LIMS1: variants seen among roughly 807,000 people sequenced by gnomAD.
LIMS1 encodes the protein LIM and senescent cell antigen-like-containing domain protein 1.
LIMS1 carries 18 observed loss-of-function variants against 44.1 expected under a neutral mutation model. The observed-to-expected ratio is 0.41, with a 90% confidence interval of 0.28 to 0.61. The LOEUF (loss-of-function observed/expected upper bound fraction) is 0.61. Among genes scored for constraint, LIMS1 ranks in the 20% least tolerant of loss-of-function variants. The pLI, the probability that LIMS1 is intolerant of heterozygous loss-of-function variation, is 0.32. For synonymous variants in LIMS1, 93 were observed against 149.1 expected (o/e 0.62, Z 2.74); for missense variants, 201 against 422.0 (o/e 0.48, Z 4.59).
chr2:108,534,422 C>G (rs1035736803), exon 1 of LIMS1: 14 of 512,846 alleles, frequency 2.7e-5, no homozygotes, highest in African/African-American at 2.7e-4. Context: ...CCCGCGCCCC[C>G]GCGCGGCCGG....
intron 1 of LIMS1, among the ~76,000 whole-genome samples, chr2:108,617,299 G>C (rs1176956695): frequency 6.6e-6 from 1 of 152,216 alleles, no homozygotes; most frequent in Non-Finnish European, 1.5e-5. Flanking sequence ...ACTATGACAA[G>C]TTTAGGCAAA....
chr2:108,620,553 A>G (rs1039206070), intron 1 of LIMS1, among the ~76,000 whole-genome samples: 2 of 152,132 alleles, frequency 1.3e-5, no homozygotes, highest in African/African-American at 4.8e-5. Flanking sequence ...CCTTCCTAAC[A>G]TTGTCACTTT....
At chr2:108,635,049 G>A (rs1413224016) in intron 1 of LIMS1, among the ~76,000 whole-genome samples, 1 of 152,170 alleles carries the variant, frequency 6.6e-6, no homozygotes, top group East Asian at 1.9e-4. Context: ...CATGAGGATG[G>A]GGGTCTACAC....
chr2:108,670,125 C>G (rs1692065860), intron 2 of LIMS1, among the ~76,000 whole-genome samples: 2 of 151,882 alleles, frequency 1.3e-5, no homozygotes, highest in African/African-American at 4.8e-5. Flanking sequence ...GAAAACAGTT[C>G]AAGAAATGAA....
chr2:108,589,653 C>A (rs898067824), intron 1 of LIMS1, among the ~76,000 whole-genome samples: 26 of 152,106 alleles, frequency 1.7e-4, no homozygotes, highest in African/African-American at 6.3e-4. Context: ...CTGTAAACTT[C>A]CCTGTTAGCA....
At chr2:108,664,167 C>T (rs1157488964) in intron 2 of LIMS1, among the ~76,000 whole-genome samples, 1 of 152,180 alleles carries the variant, frequency 6.6e-6, no homozygotes, top group Non-Finnish European at 1.5e-5. Flanking sequence ...GAAGACCCTT[C>T]CAACCAGCAC....
chr2:108,662,191 T>G, intron 2 of LIMS1: 1 of 1,612,006 alleles, frequency 6.2e-7, no homozygotes, highest in South Asian at 1.1e-5. Context: ...GCTCCAGCCC[T>G]CCGTCACCTT....
chr2:108,665,049 C>T (rs2918732), intron 2 of LIMS1, among the ~76,000 whole-genome samples: 3 of 152,322 alleles, frequency 2.0e-5, no homozygotes, highest in Middle Eastern at 3.4e-3. Flanking sequence ...CCATAAGGCT[C>T]AGTCTTTCCC....
intron 1 of LIMS1, among the ~76,000 whole-genome samples, chr2:108,611,368 T>C (rs961035884): frequency 6.6e-6 from 1 of 152,200 alleles, no homozygotes; most frequent in Non-Finnish European, 1.5e-5. Context: ...CTAAATTATA[T>C]TGAGCCCCGG....
chr2:108,616,743 G>T (rs904403332), intron 1 of LIMS1, among the ~76,000 whole-genome samples: 2 of 151,966 alleles, frequency 1.3e-5, no homozygotes, highest in Non-Finnish European at 2.9e-5. Context: ...GAGCCTACTC[G>T]CAATGGTACA....
In LIMS1 at chr2:108,679,859, G is replaced by A. The variant is rs925718987; in HGVS notation, c.824-836G>A. 1.1e-4 allele frequency among the ~76,000 whole-genome samples: 16 copies of A among 152,230 alleles called. 1 individual carries two copies. The highest frequency in any genetic ancestry group is 6.5e-4 in the Admixed American group (10 of 15,296). ...GAGCCCAGGAGTTCGAGCTGTGATC[G>A]CACCACTGCAATACAGCCTGGACAA... On this transcript the variant is annotated intron_variant, in intron 8 of 9. Transcript: ENST00000544547.
intron 1 of LIMS1, among the ~76,000 whole-genome samples, chr2:108,644,023 G>C (rs763936469): frequency 2.6e-5 from 4 of 152,180 alleles, no homozygotes; most frequent in Non-Finnish European, 5.9e-5. Flanking sequence ...CCCAGTCAGG[G>C]ACTTACAGAT....
chr2:108,653,026 G>C (rs2912860), intron 1 of LIMS1, among the ~76,000 whole-genome samples: 38 of 151,948 alleles, frequency 2.5e-4, no homozygotes, highest in African/African-American at 7.7e-4. Flanking sequence ...CTTGTTTCAT[G>C]AGCCATAGGC....
chr2:108,536,831 T>G (rs954460267), intron 1 of LIMS1, among the ~76,000 whole-genome samples: 2 of 152,128 alleles, frequency 1.3e-5, no homozygotes, highest in African/African-American at 4.8e-5. Flanking sequence ...GTTCCAGCAG[T>G]CCACCCACCT....
At chr2:108,607,957 C>A (rs1451933122) in intron 1 of LIMS1, among the ~76,000 whole-genome samples, 3 of 152,178 alleles carry the variant, frequency 2.0e-5, no homozygotes, top group Non-Finnish European at 4.4e-5. Flanking sequence ...TGTGGACTTA[C>A]ATACTCAGAG....
chr2:108,607,398 T>G, intron 1 of LIMS1: 1 of 782,896 alleles, frequency 1.3e-6, no homozygotes, highest in Non-Finnish European at 2.1e-6. Context: ...TACACAAGGG[T>G]GTATTTTTGT....
In LIMS1 at chr2:108,656,313, CTATCTATAGATAGATA is replaced by C. The variant is rs1294558365; in HGVS notation, c.33-3291_33-3276del. On this transcript the variant is annotated intron_variant, in intron 1 of 9. Transcript: ENST00000544547. ...CTTTTACATATAAATATCTATCTAT[CTATCTATAGATAGATA>C]GATAGATAGATAGATAGATAGATAC... 5.8e-4 allele frequency among the ~76,000 whole-genome samples: 45 copies of C among 77,234 alleles called. 2 individuals are homozygous for C. In the East Asian group the frequency reaches 0.027, roughly 47 times the overall value. 50.7% of individuals were successfully genotyped at this position (77,234 alleles called of 152,430 possible). A position where few individuals can be genotyped will look rare whatever the true frequency, so the allele number is the denominator to read the frequency against.
At chr2:108,583,197 T>G (rs1225684872) in intron 1 of LIMS1, among the ~76,000 whole-genome samples, 2 of 127,110 alleles carry the variant, frequency 1.6e-5, no homozygotes, top group African/African-American at 5.8e-5. Flanking sequence ...CACGCCTGGC[T>G]AATGTTTGTA....
At chr2:108,667,538 TAAAA>T (rs546617468) in intron 2 of LIMS1, among the ~76,000 whole-genome samples, 1 of 128,548 alleles carries the variant, frequency 7.8e-6, no homozygotes, top group African/African-American at 2.9e-5. Context: ...CAACCTTTTT[TAAAA>T]AAAAAAAAAA....
Sources: allele counts gnomAD v4.1 joint callset (sites outside exome capture counted in the v4.1 genomes callset), GRCh38; gene constraint gnomAD v4.1.1; transcripts MANE v1.5; gene names NCBI Gene and HGNC (gene_info 2026-07-23, HGNC 2026-07-21).